The following URGCP variants were observed in gnomAD, a reference collection of about 807,000 sequenced individuals.
URGCP encodes up-regulator of cell proliferation.
URGCP carries 13 observed loss-of-function variants against 24.6 expected under a neutral mutation model. That is an observed-to-expected ratio of 0.53 (90% CI 0.34 to 0.84). The LOEUF (loss-of-function observed/expected upper bound fraction) is 0.84. URGCP is among the 40% of genes least tolerant of loss of function. URGCP has a pLI of 0.01. For missense variants in URGCP, 899 were observed against 1,194.3 expected (o/e 0.75, Z 3.64); for synonymous variants, 444 against 487.2 (o/e 0.91, Z 1.17).
At chr7:43,903,333 A>G (rs1032522317) in intron 1 of URGCP, among the ~76,000 whole-genome samples, 1 of 152,196 alleles carries the variant, frequency 6.6e-6, no homozygotes, top group African/African-American at 2.4e-5. Flanking sequence ...ATGTAAATGC[A>G]AAGGAAAACA....
chr7:43,877,697 A>G lies in URGCP; in HGVS notation c.1766T>C (p.Leu589Pro), dbSNP rs751551435. 1 of 1,613,716 alleles carries G rather than the reference A, an allele frequency of 6.2e-7. No individual in the cohort carries two copies. Among genetic ancestry groups the G allele is most frequent in the East Asian group, 2.2e-5 (1 of 44,862 alleles). Residue 589 changes from leucine to proline, a missense_variant, in exon 6 of 6, where the codon CTT (leucine) becomes CCT (proline). Transcript: ENST00000453200. ...CCCATGCTTTGGTCTCAGGGTGAGA[A>G]GCGTCTCCGGAGGCTGTCTCAGTCG... ...QPRLRQPPET[L>P]LTLRPKHGGT...
At chr7:43,884,716 C>A (rs151159354) in intron 3 of URGCP, among the ~76,000 whole-genome samples, 102 of 152,232 alleles carry the variant, frequency 6.7e-4, no homozygotes, top group African/African-American at 2.3e-3. Context: ...CACCTGTAGT[C>A]CTAGCTACTT....
At chr7:43,887,155 G>C (rs948285989) in intron 3 of URGCP, among the ~76,000 whole-genome samples, 2 of 151,914 alleles carry the variant, frequency 1.3e-5, no homozygotes, top group African/African-American at 4.8e-5. Context: ...CTGAATCCTG[G>C]GAACACTTAC....
chr7:43,900,477 A>G (rs1185854445), intron 1 of URGCP, among the ~76,000 whole-genome samples: 1 of 149,194 alleles, frequency 6.7e-6, no homozygotes, highest in Non-Finnish European at 1.5e-5. Flanking sequence ...AACAAAAAAA[A>G]AAAAAAAAAG....
chr7:43,894,831 AC>A (rs1233783564), intron 1 of URGCP, among the ~76,000 whole-genome samples: 1 of 152,156 alleles, frequency 6.6e-6, no homozygotes, highest in Non-Finnish European at 1.5e-5. Context: ...GAGTTTGAGA[AC>A]AAGCCTAGGC....
chr7:43,894,507 C>T (rs1043013029), intron 1 of URGCP, among the ~76,000 whole-genome samples: 4 of 152,074 alleles, frequency 2.6e-5, no homozygotes, highest in Non-Finnish European at 4.4e-5. Context: ...TGCATGCCAC[C>T]ATGCCCAGCT....
intron 1 of URGCP, chr7:43,889,585 T>C (rs533198830): frequency 6.6e-6 from 1 of 152,304 alleles, no homozygotes; most frequent in African/African-American, 2.4e-5. Context: ...ACATGTAAAA[T>C]ACAAGAAAGT....
At chr7:43,881,341 C>T (rs1262550418) in intron 5 of URGCP, 1 of 649,256 alleles carries the variant, frequency 1.5e-6, no homozygotes, top group East Asian at 2.7e-5. Flanking sequence ...GAATCAATCA[C>T]TTCAGGAACT....
chr7:43,894,584 T>C (rs1014943605), intron 1 of URGCP, among the ~76,000 whole-genome samples: 19 of 151,976 alleles, frequency 1.3e-4, no homozygotes, highest in African/African-American at 4.6e-4. Flanking sequence ...GATGTCAAAC[T>C]CCTGGACTCA....
Position 43,878,726 on chromosome 7 carries a change from C to G in URGCP, c.737G>C (p.Gly246Ala), listed in dbSNP as rs765286688. Residue 246 changes from glycine to alanine, a missense_variant, in exon 6 of 6, where the codon GGC becomes GCC. Coordinates refer to ENST00000453200, the MANE Select transcript of URGCP (RefSeq NM_001077663.3). This position sits in a 1 kb window ranked among gnomAD's most constrained non-coding sequence, Gnocchi z 5.6. Reference sequence around the variant, plus strand: ...GCTGTCTTCCCGGAAGCTCCCCATGCCCCTTGGGGGCTGGGACCACCATGT... The same window carrying G: ...GCTGTCTTCCCGGAAGCTCCCCATGGCCCTTGGGGGCTGGGACCACCATGT... Reference protein sequence around the residue: ...VRTWWSQPPRGMGSFREDSVV... With the variant: ...VRTWWSQPPRAMGSFREDSVV... 1 of 1,614,148 alleles carries G rather than the reference C, an allele frequency of 6.2e-7. No individual in the cohort carries two copies. Among genetic ancestry groups the G allele is most frequent in the African/African-American group, 1.3e-5 (1 of 75,068 alleles).
intron 1 of URGCP, among the ~76,000 whole-genome samples, chr7:43,920,549 C>A (rs373914191): frequency 1.3e-5 from 2 of 152,116 alleles, no homozygotes; most frequent in African/African-American, 2.4e-5. Context: ...GGCAACAGAG[C>A]GAGACTCTGT....
chr7:43,879,376 A>T (rs1454522551), intron 5 of URGCP, 116 bp from the exon 6 acceptor site: 2 of 1,238,194 alleles, frequency 1.6e-6, no homozygotes, highest in Non-Finnish European at 2.2e-6. Context: ...CCCTTCAGAG[A>T]GCAGAGTGCA....
At chr7:43,883,626 G>A (rs1048391685) in intron 3 of URGCP, among the ~76,000 whole-genome samples, 3 of 151,996 alleles carry the variant, frequency 2.0e-5, no homozygotes, top group East Asian at 1.9e-4. Context: ...CTCACAGAGC[G>A]TTGGGATTAC....
chr7:43,891,790 T>A (rs2095871134), intron 1 of URGCP, among the ~76,000 whole-genome samples: 1 of 151,774 alleles, frequency 6.6e-6, no homozygotes, highest in East Asian at 1.9e-4. Context: ...ACTTTTTGTA[T>A]TTTTTTCCCC....
intron 1 of URGCP, among the ~76,000 whole-genome samples, chr7:43,903,643 A>G (rs2095895644): frequency 6.6e-6 from 1 of 152,204 alleles, no homozygotes; most frequent in African/African-American, 2.4e-5. Context: ...TAGTTGTAAC[A>G]TTGTTAAGGA....
intron 1 of URGCP, among the ~76,000 whole-genome samples, chr7:43,896,210 T>C (rs553132514): frequency 2.6e-5 from 4 of 152,188 alleles, no homozygotes; most frequent in African/African-American, 4.8e-5. Context: ...TTGGTTAAGA[T>C]ACAAAATTAC....
upstream of URGCP, among the ~76,000 whole-genome samples, chr7:43,910,167 G>A (rs2095908454): frequency 6.6e-6 from 1 of 152,104 alleles, no homozygotes; most frequent in African/African-American, 2.4e-5. Context: ...TTGAGGCCAG[G>A]AGTTCAAGAC....
chr7:43,892,281 T>C (rs1473753810), intron 1 of URGCP, among the ~76,000 whole-genome samples: 1 of 146,802 alleles, frequency 6.8e-6, no homozygotes, highest in Non-Finnish European at 1.5e-5. Context: ...TGGAGTGCAG[T>C]GGTGCAATCT....
chr7:43,926,670 C>A, upstream of URGCP: 1 of 1,187,762 alleles, frequency 8.4e-7, no homozygotes, highest in Non-Finnish European at 1.1e-6. Context: ...GCGGATACAC[C>A]TGCCTGGGAA....
Sources: gnomAD v4.1 joint callset for allele counts (sites outside exome capture counted in the v4.1 genomes callset) on GRCh38, gnomAD v4.1.1 for gene constraint, Gnocchi (gnomAD v3.1) non-coding constraint, MANE v1.5 for transcripts, NCBI Gene and HGNC (gene_info 2026-07-23, HGNC 2026-07-21) for gene names.